EPHA8: variants seen among roughly 807,000 people sequenced by gnomAD.
EPHA8 encodes EPH receptor A8.
In EPHA8, 58 loss-of-function variants were observed where a neutral mutation model predicts 103.6. That is an observed-to-expected ratio of 0.56 (90% CI 0.45 to 0.70). EPHA8 has a LOEUF of 0.70. EPHA8 is among the 30% of genes least tolerant of loss of function. The probability of loss-of-function intolerance (pLI) is 0.00; values close to 1 mark genes in which losing one functional copy is unlikely to be tolerated. For synonymous variants in EPHA8, 559 were observed against 572.5 expected, an observed-to-expected ratio of 0.98 and a Z score of 0.34; for missense variants, 1,304 against 1,395.2, an observed-to-expected ratio of 0.93 and a Z score of 1.04.
At chr1:22,564,396 C>T (rs1413286479) in intron 1 of EPHA8, among the ~76,000 whole-genome samples, 1 of 148,776 alleles carries the variant, frequency 6.7e-6, no homozygotes, top group Non-Finnish European at 1.5e-5. Flanking sequence ...GGAGGAGAGG[C>T]AGCTTCGTGG....
At position 22,586,544 on chromosome 1, in the gene EPHA8, C is replaced by T. The variant is rs1163464919; in HGVS notation, c.888C>T (p.His296=). The change falls in exon 4 of 17, where the codon CAC becomes CAT. Residue 296 remains histidine, a synonymous_variant. Transcript: ENST00000166244. The part of the protein sequence containing the change: ...GDQLCARCPP[H]SHSAAPAAQA... Reference sequence around the variant, plus strand: ...AGCTGTGTGCCCGCTGCCCTCCCCACAGCCACTCCGCAGCTCCAGCCGCCC... The same window carrying T: ...AGCTGTGTGCCCGCTGCCCTCCCCATAGCCACTCCGCAGCTCCAGCCGCCC... The T allele has an allele frequency of 2.5e-6, 4 of 1,613,888 alleles. No individual in the cohort carries two copies. Among genetic ancestry groups the T allele is most frequent in the East Asian group, 2.2e-5 (1 of 44,866 alleles).
chr1:22,583,698 C>T (rs1217530811), intron 3 of EPHA8, among the ~76,000 whole-genome samples: 1 of 152,252 alleles, frequency 6.6e-6, no homozygotes, highest in Non-Finnish European at 1.5e-5. Context: ...GAATTATGAT[C>T]TCCACCTTAA....
intron 2 of EPHA8, among the ~76,000 whole-genome samples, chr1:22,570,640 C>G (rs1445468683): frequency 7.5e-6 from 1 of 133,470 alleles, no homozygotes; most frequent in Non-Finnish European, 1.6e-5. Context: ...ACTTCTCTCT[C>G]TCTGGGGGTC....
At chr1:22,565,403 G>C (rs763509276) in intron 1 of EPHA8, among the ~76,000 whole-genome samples, 55 of 152,194 alleles carry the variant, frequency 3.6e-4, no homozygotes, top group Non-Finnish European at 6.5e-4. Context: ...TGGGGTTGGG[G>C]GGTGCTGGGG....
rs1374620571 is a variant in EPHA8 at position 22,576,357 on chromosome 1, G to A, written c.300G>A (p.Glu100=). ...PRDGARRVYA[E]IKFTLRDCNS... ...ACGGCGCCCGGCGCGTCTATGCTGAGATCAAGTTTACCCTGCGCGACTGCA... is the reference window on the plus strand; with the variant it reads ...ACGGCGCCCGGCGCGTCTATGCTGAAATCAAGTTTACCCTGCGCGACTGCA... Residue 100 remains glutamate, a synonymous_variant, in exon 3 of 17, where the codon GAG becomes GAA. Coordinates refer to ENST00000166244, the MANE Select transcript of EPHA8 (RefSeq NM_020526.5). This position sits in a 1 kb window ranked among gnomAD's most constrained non-coding sequence, Gnocchi z 4.8. 3 of 1,613,800 alleles carry A rather than the reference G, an allele frequency of 1.9e-6. No individual in the cohort carries two copies. Among genetic ancestry groups the A allele is most frequent in the Admixed American group, 1.7e-5 (1 of 60,022 alleles).
chr1:22,592,366 G>A (rs1641394793), intron 5 of EPHA8, among the ~76,000 whole-genome samples: 1 of 152,126 alleles, frequency 6.6e-6, no homozygotes, highest in Non-Finnish European at 1.5e-5. Flanking sequence ...TCACTTTATA[G>A]AAGGGGACCT....
intron 3 of EPHA8, among the ~76,000 whole-genome samples, chr1:22,579,015 A>G (rs1384859098): frequency 1.4e-5 from 2 of 140,996 alleles, no homozygotes; most frequent in African/African-American, 2.6e-5. Flanking sequence ...ATGTGTGTGC[A>G]TATGTGCAAG....
At chr1:22,568,476 T>A (rs1200701816) in intron 1 of EPHA8, among the ~76,000 whole-genome samples, 1 of 152,200 alleles carries the variant, frequency 6.6e-6, no homozygotes, top group Admixed American at 6.5e-5. Flanking sequence ...GAATGGCAGC[T>A]CCGCCAGCTA....
intron 3 of EPHA8, among the ~76,000 whole-genome samples, chr1:22,578,254 G>A (rs1476055376): frequency 2.7e-5 from 4 of 147,268 alleles, no homozygotes; most frequent in Admixed American, 2.0e-4. Context: ...GTGTGTGTCT[G>A]TATACCCGTG....
intron 3 of EPHA8, among the ~76,000 whole-genome samples, chr1:22,580,134 T>C (rs1217992739): frequency 2.3e-5 from 1 of 43,642 alleles, no homozygotes; most frequent in African/African-American, 5.7e-5. Context: ...TCTCTTTTTT[T>C]TTTTTTTTTT....
At position 22,579,188 on chromosome 1, in the gene EPHA8, AAT is replaced by A. The variant is rs575548813; in HGVS notation, c.823+2313_823+2314del. 9.6e-4 allele frequency among the ~76,000 whole-genome samples: 131 copies of A among 135,958 alleles called. No individual in the cohort carries two copies. In the East Asian group the frequency reaches 0.012, roughly 13 times the overall value. 89.2% of individuals were successfully genotyped at this position (135,958 alleles called of 152,430 possible). A position where few individuals can be genotyped will look rare whatever the true frequency, so the allele number is the denominator to read the frequency against. ...ATGCATGTGTGTGCATGTGTGCGTGAATATATGTGTACCTGTGTGCATGTGTG... is the reference window on the plus strand; with the variant it reads ...ATGCATGTGTGTGCATGTGTGCGTGAATATGTGTACCTGTGTGCATGTGTG... On this transcript the variant is annotated intron_variant, in intron 3 of 16. Coordinates refer to ENST00000166244, the MANE Select transcript of EPHA8 (RefSeq NM_020526.5).
chr1:22,578,541 G>A (rs1640884618), intron 3 of EPHA8, among the ~76,000 whole-genome samples: 3 of 140,696 alleles, frequency 2.1e-5, no homozygotes, highest in South Asian at 2.3e-4. Flanking sequence ...ATGCGTGCAT[G>A]TGTGCGTGAG....
At chr1:22,587,813 A>G (rs1005738585) in intron 4 of EPHA8, among the ~76,000 whole-genome samples, 2 of 152,234 alleles carry the variant, frequency 1.3e-5, no homozygotes, top group Non-Finnish European at 1.5e-5. Flanking sequence ...TCATGCCCAC[A>G]TGCTTGTGCA....
intron 1 of EPHA8, among the ~76,000 whole-genome samples, chr1:22,564,491 G>C (rs1474628468): frequency 6.6e-6 from 1 of 151,904 alleles, no homozygotes; most frequent in Admixed American, 6.6e-5. Flanking sequence ...GGAGAGCAAA[G>C]TCTTGTCAGA....
chr1:22,600,440 C>A (rs1037318826), intron 13 of EPHA8, among the ~76,000 whole-genome samples: 1 of 151,868 alleles, frequency 6.6e-6, no homozygotes, highest in Admixed American at 6.6e-5. Flanking sequence ...TGGTATTGGC[C>A]GAGCATCTGC....
intron 9 of EPHA8, among the ~76,000 whole-genome samples, chr1:22,596,432 G>C (rs557018321): frequency 6.6e-6 from 1 of 152,136 alleles, no homozygotes; most frequent in African/African-American, 2.4e-5. Flanking sequence ...ATTTCGGGGT[G>C]GGAGTGCATA....
chr1:22,593,783 A>C (rs1162822418), intron 7 of EPHA8, 97 bp downstream of exon 7: 1 of 1,363,128 alleles, frequency 7.3e-7, no homozygotes, highest in Non-Finnish European at 9.7e-7. Flanking sequence ...AGGCTGAGCC[A>C]GTGCCAATGC....
chr1:22,601,509 G>A (rs1488004745), intron 16 of EPHA8, 36 bp downstream of exon 16: 1 of 1,604,288 alleles, frequency 6.2e-7, no homozygotes, highest in African/African-American at 1.3e-5. Flanking sequence ...CCATGCGTGT[G>A]GGGGCAGGGG....
Position 22,595,311 on chromosome 1 carries a change from T to C in EPHA8, c.1685T>C (p.Ile562Thr). 1 of 1,613,430 alleles carries C rather than the reference T, an allele frequency of 6.2e-7. No individual in the cohort carries two copies. The highest frequency in any genetic ancestry group is 8.5e-7 in the Non-Finnish European group (1 of 1,179,734). The change falls in exon 8 of 17, where the codon ATC (isoleucine) becomes ACC (threonine). Residue 562 changes from isoleucine to threonine, a missense_variant. Transcript: ENST00000166244. ...CTGGTGGTGCTTCTGCTCCTGCTCA[T>C]CTGCAAGAAGAGGTGGGTGGTCTGG... ...TGLVVLLLLL[I>T]CKKRHCGYSK... is the part of the protein sequence containing the mutation.
Sources: allele counts gnomAD v4.1 joint callset (sites outside exome capture counted in the v4.1 genomes callset), GRCh38; gene constraint gnomAD v4.1.1; non-coding constraint Gnocchi (gnomAD v3.1); transcripts MANE v1.5; gene names NCBI Gene and HGNC (gene_info 2026-07-23, HGNC 2026-07-21).